CRPPA: variants seen among roughly 807,000 people sequenced by gnomAD.
The protein encoded by CRPPA is D-ribitol-5-phosphate cytidylyltransferase.
CRPPA carries 43 observed loss-of-function variants against 52.0 expected under a neutral mutation model. That is an observed-to-expected ratio of 0.83 (90% CI 0.65 to 1.07). The LOEUF (loss-of-function observed/expected upper bound fraction) is 1.07. Among genes scored for constraint, CRPPA ranks in the 50% least tolerant of loss-of-function variants. The pLI, the probability that CRPPA is intolerant of heterozygous loss-of-function variation, is 0.00. For synonymous variants in CRPPA, 250 were observed against 203.5 expected, an observed-to-expected ratio of 1.23 and a Z score of -1.94; for missense variants, 629 against 551.7, an observed-to-expected ratio of 1.14 and a Z score of -1.40.
chr7:16,139,093 C>T (rs1031416064), intron 9 of CRPPA, among the ~76,000 whole-genome samples: 6 of 152,122 alleles, frequency 3.9e-5, no homozygotes, highest in African/African-American at 4.8e-5. Context: ...TGAGCTACCA[C>T]GCCTGGCCAA....
At chr7:16,154,769 C>G (rs1294328461) in intron 9 of CRPPA, among the ~76,000 whole-genome samples, 1 of 148,930 alleles carries the variant, frequency 6.7e-6, no homozygotes, top group Non-Finnish European at 1.5e-5. Context: ...GTGATTCAAT[C>G]TTCAAAGTTT....
chr7:16,167,192 C>T (rs889810722), intron 9 of CRPPA, among the ~76,000 whole-genome samples: 2 of 152,158 alleles, frequency 1.3e-5, no homozygotes, highest in Admixed American at 6.6e-5. Flanking sequence ...TCTCAGAGTG[C>T]TGGGATTACA....
At position 16,376,406 on chromosome 7, in the gene CRPPA, T is replaced by TA. The variant is rs376172562; in HGVS notation, c.535-166dup. Among the ~76,000 whole-genome samples the TA allele has an allele frequency of 6.6e-3, 1,009 of 152,010 alleles. 5 individuals carry two copies. The highest frequency in any genetic ancestry group is 0.022 in the African/African-American group (898 of 41,440). On this transcript the variant is annotated intron_variant, in intron 2 of 9. Transcript: ENST00000407010. ...TTGGTTCAAAAATGGTTATTTCAGG[T>TA]AAAAAAAATCAATTTTGTAGTATTA...
chr7:16,312,646 C>G (rs1477120470), intron 3 of CRPPA, among the ~76,000 whole-genome samples: 1 of 151,946 alleles, frequency 6.6e-6, no homozygotes, highest in Non-Finnish European at 1.5e-5. Context: ...ACTGAGGAGG[C>G]ACATCCTTGC....
At chr7:16,307,050 T>C (rs975743696) in intron 4 of CRPPA, among the ~76,000 whole-genome samples, 15 of 152,138 alleles carry the variant, frequency 9.9e-5, no homozygotes, top group African/African-American at 3.6e-4. Context: ...AAATAACTGA[T>C]CAACTTACAG....
chr7:16,362,376 G>C (rs1786476980), intron 3 of CRPPA, among the ~76,000 whole-genome samples: 1 of 152,146 alleles, frequency 6.6e-6, no homozygotes, highest in African/African-American at 2.4e-5. Context: ...CACACACAGT[G>C]TCCTCACATG....
At chr7:16,172,736 A>G (rs966729038) in intron 9 of CRPPA, among the ~76,000 whole-genome samples, 1 of 152,174 alleles carries the variant, frequency 6.6e-6, no homozygotes, top group African/African-American at 2.4e-5. Flanking sequence ...TTAACATGGT[A>G]CTTTCAATCC....
chr7:16,242,376 C>T (rs1446053279), intron 8 of CRPPA, among the ~76,000 whole-genome samples: 2 of 152,018 alleles, frequency 1.3e-5, no homozygotes, highest in Admixed American at 6.5e-5. Flanking sequence ...ACTTAATGAA[C>T]AAAAACACTT....
At chr7:16,372,621 A>C (rs1218916086) in intron 3 of CRPPA, among the ~76,000 whole-genome samples, 1 of 152,202 alleles carries the variant, frequency 6.6e-6, no homozygotes, top group East Asian at 1.9e-4. Flanking sequence ...GGGTCTATAA[A>C]ACAATAACAT....
chr7:16,310,169 A>T (rs1247260582), intron 3 of CRPPA, among the ~76,000 whole-genome samples: 1 of 152,144 alleles, frequency 6.6e-6, no homozygotes. Flanking sequence ...GGTTATAGTT[A>T]TAATGATATC....
intron 9 of CRPPA, among the ~76,000 whole-genome samples, chr7:16,121,831 T>A (rs998618801): frequency 2.0e-5 from 3 of 152,040 alleles, no homozygotes; most frequent in Non-Finnish European, 4.4e-5. Flanking sequence ...AACCAAAACA[T>A]ACATTGATTT....
intron 5 of CRPPA, among the ~76,000 whole-genome samples, chr7:16,288,754 G>C (rs1027612757): frequency 6.9e-6 from 1 of 144,230 alleles, no homozygotes; most frequent in Non-Finnish European, 1.5e-5. Context: ...GGCTGAGGTA[G>C]GAAATTGCTT....
intron 6 of CRPPA, among the ~76,000 whole-genome samples, chr7:16,275,458 C>T (rs904437273): frequency 6.6e-6 from 1 of 152,128 alleles, no homozygotes; most frequent in African/African-American, 2.4e-5. Flanking sequence ...AGAGAAAGTA[C>T]AGGCAAAGGA....
chr7:16,104,114 T>A (rs1782102315), intron 9 of CRPPA, among the ~76,000 whole-genome samples: 1 of 152,204 alleles, frequency 6.6e-6, no homozygotes. Context: ...ATCCAAAGTG[T>A]TAATCTCAAA....
At chr7:16,231,506 G>C (rs1782796430) in intron 8 of CRPPA, among the ~76,000 whole-genome samples, 2 of 152,076 alleles carry the variant, frequency 1.3e-5, no homozygotes, top group Non-Finnish European at 2.9e-5. Context: ...AAATATTTTT[G>C]ATCATTAATT....
chr7:16,265,071 G>A (rs778306864), intron 6 of CRPPA, among the ~76,000 whole-genome samples: 2 of 152,164 alleles, frequency 1.3e-5, no homozygotes, highest in East Asian at 1.9e-4. Context: ...GCTTGTCCTC[G>A]TAGAAGGCTT....
intron 3 of CRPPA, among the ~76,000 whole-genome samples, chr7:16,348,836 T>C (rs1308993801): frequency 6.6e-6 from 1 of 152,134 alleles, no homozygotes; most frequent in East Asian, 1.9e-4. Context: ...TTCTTAGAGT[T>C]TATCCATGCA....
intron 3 of CRPPA, among the ~76,000 whole-genome samples, chr7:16,316,467 G>A (rs1160769225): frequency 3.3e-5 from 5 of 152,052 alleles, no homozygotes; most frequent in Non-Finnish European, 5.9e-5. Flanking sequence ...ATGCTTATGA[G>A]TTATGGTTTT....
chr7:16,162,189 T>G (rs890479510), intron 9 of CRPPA, among the ~76,000 whole-genome samples: 1 of 152,218 alleles, frequency 6.6e-6, no homozygotes, highest in African/African-American at 2.4e-5. Context: ...AGTTCTGTTC[T>G]GATCTTAGTC....
Sources: gnomAD v4.1 joint callset for allele counts (sites outside exome capture counted in the v4.1 genomes callset) on GRCh38, gnomAD v4.1.1 for gene constraint, MANE v1.5 for transcripts, NCBI Gene and HGNC (gene_info 2026-07-23, HGNC 2026-07-21) for gene names.